LOXL4: variants seen among roughly 807,000 people sequenced by gnomAD.
LOXL4 encodes lysyl oxidase homolog 4.
A neutral mutation model predicts 89.1 loss-of-function variants in LOXL4; 72 were observed. The ratio of observed to expected loss-of-function variants is 0.81; its 90% CI spans 0.67 to 0.98. The LOEUF (loss-of-function observed/expected upper bound fraction) is 0.98. LOXL4 is among the 50% of genes least tolerant of loss of function. The probability of loss-of-function intolerance (pLI) is 0.00; values close to 1 mark genes in which losing one functional copy is unlikely to be tolerated. For missense variants in LOXL4, 984 were observed against 1,017.5 expected, an observed-to-expected ratio of 0.97 and a Z score of 0.45; for synonymous variants, 355 against 392.1, an observed-to-expected ratio of 0.91 and a Z score of 1.12.
chr10:98,249,474 C>G (rs968831218), intron 14 of LOXL4, among the ~76,000 whole-genome samples: 1 of 152,274 alleles, frequency 6.6e-6, no homozygotes, highest in Non-Finnish European at 1.5e-5. Flanking sequence ...CTTCACAACT[C>G]TGGCTTGCAC....
chr10:98,250,987 TG>T, intron 14 of LOXL4, 77 bp downstream of exon 14: 1 of 1,000,652 alleles, frequency 1.0e-6, no homozygotes, highest in Non-Finnish European at 1.6e-6. Context: ...CGCTGGAGTG[TG>T]GGAGCAGAGG....
Position 98,251,667 on chromosome 10 carries a change from C to T in LOXL4, c.1987G>A (p.Glu663Lys). The T allele has an allele frequency of 6.2e-7, 1 of 1,614,260 alleles. No homozygotes were observed. Among genetic ancestry groups the T allele is most frequent in the Non-Finnish European group, 8.5e-7 (1 of 1,180,042 alleles). ...QRRYACANFG[E>K]QGVTVGCWDT... ...CAGCAGCCTACAGTCACTCCCTGTT[C>T]TCCAAAGTTGGCACATGCGTAGCGC... is the stretch of plus-strand genomic sequence containing the variant. Residue 663 changes from glutamate to lysine, a missense_variant, in exon 13 of 15, where the codon GAA (glutamate) becomes AAA (lysine). Coordinates refer to ENST00000260702, the MANE Select transcript of LOXL4 (RefSeq NM_032211.7).
intron 1 of LOXL4, among the ~76,000 whole-genome samples, chr10:98,267,391 G>A (rs866164815): frequency 2.0e-4 from 30 of 152,244 alleles, no homozygotes; most frequent in African/African-American, 7.2e-4. Context: ...TGTGCCAGGA[G>A]ATGCTGGGAC....
intron 1 of LOXL4, among the ~76,000 whole-genome samples, chr10:98,266,165 A>G (rs1858680248): frequency 6.6e-6 from 1 of 152,202 alleles, no homozygotes; most frequent in Non-Finnish European, 1.5e-5. Context: ...AGGATGGGAC[A>G]GATCGGCCTC....
chr10:98,266,687 T>C (rs534791323), intron 1 of LOXL4, among the ~76,000 whole-genome samples: 1 of 152,196 alleles, frequency 6.6e-6, no homozygotes, highest in Admixed American at 6.5e-5. Context: ...CGAGAGCTTT[T>C]GCTCACACCA....
chr10:98,265,269 G>A (rs1023142130), intron 1 of LOXL4, among the ~76,000 whole-genome samples: 7 of 152,166 alleles, frequency 4.6e-5, no homozygotes, highest in Non-Finnish European at 7.3e-5. Flanking sequence ...GTCTCCCTCT[G>A]TAAAGTGGGG....
Position 98,255,655 on chromosome 10 carries a change from G to T in LOXL4, c.1513C>A (p.Gln505Lys). 1.2e-6 allele frequency: 2 copies of T among 1,613,722 alleles called. No homozygotes were observed. Among genetic ancestry groups the T allele is most frequent in the Non-Finnish European group, 1.7e-6 (2 of 1,179,710 alleles). Residue 505 changes from glutamine to lysine, a missense_variant, in exon 10 of 15, where the codon CAG (glutamine) becomes AAG (lysine). Coordinates refer to ENST00000260702, the MANE Select transcript of LOXL4 (RefSeq NM_032211.7). ...ACCGGCCCGTGCCTCTGGCACTGCT[G>T]CAGGGCCAGCTCTGTGCCTGAGCAG... ...VRCSGTELAL[Q>K]QCQRHGPVHC...
At chr10:98,264,669 C>A (rs929157523) in intron 1 of LOXL4, among the ~76,000 whole-genome samples, 1 of 152,010 alleles carries the variant, frequency 6.6e-6, no homozygotes, top group Non-Finnish European at 1.5e-5. Flanking sequence ...GTCCCGGGAC[C>A]AGCAGGTGGA....
chr10:98,265,182 T>A (rs1033253695), intron 1 of LOXL4, among the ~76,000 whole-genome samples: 29 of 152,280 alleles, frequency 1.9e-4, no homozygotes, highest in Non-Finnish European at 4.0e-4. Flanking sequence ...GTCAGACTGC[T>A]GGGGTTCGAA....
chr10:98,248,739 A>G lies in LOXL4; in HGVS notation c.*182T>C. The stretch of plus-strand genomic sequence containing the variant: ...GGCCCTTAGGGGCAGGCCCAGAGCC[A>G]TCCTGAGGGAGCAATACCATCTGGA... On this transcript the variant is annotated 3_prime_UTR_variant, in exon 15 of 15. Coordinates refer to ENST00000260702, the MANE Select transcript of LOXL4 (RefSeq NM_032211.7). 1.6e-6 allele frequency: 1 copy of G among 608,512 alleles called. No homozygotes were observed. The highest frequency in any genetic ancestry group is 2.9e-6 in the Non-Finnish European group (1 of 339,440). 37.7% of individuals were successfully genotyped at this position (608,512 alleles called of 1,614,324 possible).
At chr10:98,252,057 G>C (rs1376179684) in intron 12 of LOXL4, 1 of 482,912 alleles carries the variant, frequency 2.1e-6, no homozygotes, top group African/African-American at 1.9e-5. Flanking sequence ...ACAGGAAGCA[G>C]GCAATGCTTG....
Position 98,251,698 on chromosome 10 carries a change from C to T in LOXL4, c.1956G>A (p.Leu652=). ...CLEDTNCPTG[L]QRRYACANFG... ...AGTTGGCACATGCGTAGCGCCGCTGCAGTCCTGTAAGGAAGGGGACAGACA... is the reference window on the plus strand; with the variant it reads ...AGTTGGCACATGCGTAGCGCCGCTGTAGTCCTGTAAGGAAGGGGACAGACA... The change falls in exon 13 of 15, where the codon CTG becomes CTA. Residue 652 remains leucine, a synonymous_variant. Coordinates refer to ENST00000260702, the MANE Select transcript of LOXL4 (RefSeq NM_032211.7). 6.2e-7 allele frequency: 1 copy of T among 1,614,190 alleles called. No individual in the cohort carries two copies. Among genetic ancestry groups the T allele is most frequent in the Non-Finnish European group, 8.5e-7 (1 of 1,180,032 alleles).
chr10:98,263,857 A>G (rs10883054), intron 1 of LOXL4, among the ~76,000 whole-genome samples: 47,402 of 150,716 alleles, frequency 0.31, 7,605 homozygotes, highest in Non-Finnish European at 0.36. Context: ...CATCCTCCTG[A>G]GTAGCTGGGA....
At chr10:98,253,276 A>G (rs1858257323) in intron 11 of LOXL4, among the ~76,000 whole-genome samples, 1 of 152,258 alleles carries the variant, frequency 6.6e-6, no homozygotes, top group African/African-American at 2.4e-5. Context: ...AGTGTCAAAT[A>G]CCATTCTAAC....
chr10:98,266,720 C>T (rs187057544), intron 1 of LOXL4, among the ~76,000 whole-genome samples: 3 of 152,274 alleles, frequency 2.0e-5, no homozygotes, highest in Admixed American at 2.0e-4. Context: ...CGTCTCCCAG[C>T]CTCCAAGCCT....
In LOXL4 at chr10:98,248,787, GCTTC is replaced by G. The variant is rs1858105888; in HGVS notation, c.*130_*133del. On this transcript the variant is annotated 3_prime_UTR_variant, in exon 15 of 15. Coordinates refer to ENST00000260702, the MANE Select transcript of LOXL4 (RefSeq NM_032211.7). ...GGATTGGTGATCTTGCCATCAAAAG[GCTTC>G]CTGAGCAGGTTCTTGGTGCCCCTTG... is the stretch of plus-strand genomic sequence containing the variant. 2 of 743,644 alleles carry G rather than the reference GCTTC, an allele frequency of 2.7e-6. No individual in the cohort carries two copies. The highest frequency in any genetic ancestry group is 4.5e-6 in the Non-Finnish European group (2 of 445,828). 46.1% of individuals were successfully genotyped at this position (743,644 alleles called of 1,614,324 possible).
At chr10:98,249,823 CCT>C (rs771906667) in intron 14 of LOXL4, among the ~76,000 whole-genome samples, 3 of 152,184 alleles carry the variant, frequency 2.0e-5, no homozygotes, top group Non-Finnish European at 4.4e-5. Context: ...TCTCAATATC[CCT>C]GTTTCATTTA....
intron 11 of LOXL4, 84 bp from the exon 12 acceptor site, chr10:98,252,552 GC>G: frequency 1.1e-6 from 1 of 897,294 alleles, no homozygotes; most frequent in East Asian, 2.5e-5. Flanking sequence ...CAGGCCCCAG[GC>G]CCCATCATGA....
chr10:98,265,050 G>T (rs1858646021), intron 1 of LOXL4, among the ~76,000 whole-genome samples: 1 of 152,250 alleles, frequency 6.6e-6, no homozygotes, highest in Admixed American at 6.5e-5. Context: ...CTCCATGGGA[G>T]TGGGGATGTG....
Sources: gnomAD v4.1 joint callset for allele counts (sites outside exome capture counted in the v4.1 genomes callset) on GRCh38, gnomAD v4.1.1 for gene constraint, MANE v1.5 for transcripts, NCBI Gene and HGNC (gene_info 2026-07-23, HGNC 2026-07-21) for gene names.